The following ACYP2 variants were observed in gnomAD, a reference collection of about 807,000 sequenced individuals.
ACYP2 encodes acylphosphatase 2.
In ACYP2, 12 loss-of-function variants were observed where a neutral mutation model predicts 11.2. That is an observed-to-expected ratio of 1.08 (90% CI 0.69 to 1.74). The LOEUF (loss-of-function observed/expected upper bound fraction) is 1.74, where lower values mean the gene tolerates loss of function less well. ACYP2 is among the 40% of genes most tolerant of loss of function. ACYP2 has a pLI of 0.00. For synonymous variants in ACYP2, 43 were observed against 32.2 expected, an observed-to-expected ratio of 1.33 and a Z score of -1.13; for missense variants, 134 against 101.9, an observed-to-expected ratio of 1.31 and a Z score of -1.35.
chr2:54,104,186 A>G (rs1679041269), intron 4 of ACYP2, among the ~76,000 whole-genome samples: 1 of 152,230 alleles, frequency 6.6e-6, no homozygotes, highest in South Asian at 2.1e-4. Flanking sequence ...TGGGAGATAT[A>G]TACTGATGCT....
intron 2 of ACYP2, among the ~76,000 whole-genome samples, chr2:54,002,137 A>G (rs1428647983): frequency 6.6e-6 from 1 of 152,228 alleles, no homozygotes; most frequent in Non-Finnish European, 1.5e-5. Flanking sequence ...TCAATGTTCT[A>G]AATATCCTCC....
intron 6 of ACYP2, among the ~76,000 whole-genome samples, chr2:54,282,435 G>A (rs1449546714): frequency 2.6e-5 from 4 of 152,136 alleles, no homozygotes; most frequent in Admixed American, 6.6e-5. Flanking sequence ...CTAAGCAGAT[G>A]GCCCTTGTGG....
intron 6 of ACYP2, among the ~76,000 whole-genome samples, chr2:54,268,015 TA>T (rs1420234093): frequency 3.9e-5 from 6 of 152,214 alleles, no homozygotes; most frequent in Non-Finnish European, 5.9e-5. Flanking sequence ...TTTCAAATTT[TA>T]AAAATACATA....
rs768555656 is a variant in ACYP2 at position 54,255,456 on chromosome 2, C to G, written c.405-49232C>G. 1.9e-5 allele frequency: 30 copies of G among 1,613,922 alleles called. No individual in the cohort carries two copies. The Admixed American group carries it at 3.2e-4, about 17-fold the overall frequency. ...TCTGCTCCAGGTAGTATTCATGAAT[C>G]TGCCCAAACCTGCGCTCCACCTGCA... On this transcript the variant is annotated intron_variant, in intron 6 of 6. Transcript: ENST00000607452.
intron 2 of ACYP2, among the ~76,000 whole-genome samples, chr2:54,037,186 C>A (rs1674947481): frequency 6.6e-6 from 1 of 152,144 alleles, no homozygotes; most frequent in Non-Finnish European, 1.5e-5. Flanking sequence ...AATCTTGGCT[C>A]ACTAGAACCT....
chr2:53,992,496 G>A (rs1340058862), intron 2 of ACYP2, among the ~76,000 whole-genome samples: 3 of 152,174 alleles, frequency 2.0e-5, no homozygotes, highest in Non-Finnish European at 2.9e-5. Flanking sequence ...CTTGTATCAC[G>A]GTAGAAGTAG....
At chr2:54,075,010 A>G (rs1213700921) in intron 4 of ACYP2, among the ~76,000 whole-genome samples, 1 of 152,226 alleles carries the variant, frequency 6.6e-6, no homozygotes, top group African/African-American at 2.4e-5. Context: ...ACACAAAATT[A>G]ATCATTATAA....
intron 6 of ACYP2, among the ~76,000 whole-genome samples, chr2:54,212,791 GTAAA>G (rs1685380632): frequency 6.6e-6 from 1 of 151,606 alleles, no homozygotes; most frequent in Non-Finnish European, 1.5e-5. Flanking sequence ...GACAAAAAGA[GTAAA>G]TATATTCTTG....
intron 6 of ACYP2, among the ~76,000 whole-genome samples, chr2:54,266,875 C>G (rs1007590381): frequency 6.6e-6 from 1 of 151,994 alleles, no homozygotes; most frequent in African/African-American, 2.4e-5. Context: ...TCCCAAAGTG[C>G]TGGGATTACA....
chr2:54,142,011 GTATAT>G (rs1681633628), intron 6 of ACYP2: 3 of 422,066 alleles, frequency 7.1e-6, no homozygotes, highest in African/African-American at 4.3e-5. Context: ...GTGTGTGTGT[GTATAT>G]TTTGTTGTTG....
intron 2 of ACYP2, among the ~76,000 whole-genome samples, chr2:54,003,280 A>G (rs1054971100): frequency 6.7e-6 from 1 of 150,222 alleles, no homozygotes; most frequent in African/African-American, 2.5e-5. Flanking sequence ...ATTTATTGAG[A>G]CAGAGTTTCA....
In ACYP2 at chr2:54,117,729, A is replaced by G. The variant is rs568524285; in HGVS notation, c.278-17724A>G. On this transcript the variant is annotated intron_variant, in intron 4 of 6. Coordinates refer to ENST00000607452, the MANE Select transcript of ACYP2 (RefSeq NM_001320586.2). ...TACCAGGGTAAGATTAAGAATGGGT[A>G]AAAGTGTGCCTTTTGTAAAGAGATC... 2.6e-5 allele frequency among the ~76,000 whole-genome samples: 4 copies of G among 152,330 alleles called. No individual in the cohort carries two copies. In the South Asian group the frequency reaches 8.3e-4, roughly 32 times the overall value.
chr2:54,109,460 G>A (rs560746690), intron 4 of ACYP2, among the ~76,000 whole-genome samples: 4 of 152,184 alleles, frequency 2.6e-5, no homozygotes, highest in Admixed American at 6.5e-5. Flanking sequence ...TGGGTACAGC[G>A]TACACTGCTT....
Position 54,304,760 on chromosome 2 carries a change from C to T in ACYP2, c.477C>T (p.Thr159=). The T allele has an allele frequency of 6.2e-7, 1 of 1,611,378 alleles. No homozygotes were observed. The highest frequency in any genetic ancestry group is 8.5e-7 in the Non-Finnish European group (1 of 1,179,252). ...GCACAAACTTTTCTAATGAAAAAAC[C>T]ATCTCTAAGCTTGAATACTCTAATT... is the stretch of plus-strand genomic sequence containing the variant. Residue 159 remains threonine, a synonymous_variant, in exon 7 of 7, where the codon ACC becomes ACT. Transcript: ENST00000607452.
chr2:53,985,048 T>G (rs931020194), intron 2 of ACYP2, among the ~76,000 whole-genome samples: 1 of 151,584 alleles, frequency 6.6e-6, no homozygotes, highest in African/African-American at 2.4e-5. Context: ...CTCAGTGGCT[T>G]AGGATTTAGC....
At chr2:54,017,177 C>T (rs1673734621) in intron 2 of ACYP2, among the ~76,000 whole-genome samples, 1 of 152,130 alleles carries the variant, frequency 6.6e-6, no homozygotes, top group Non-Finnish European at 1.5e-5. Context: ...CTTATCACAT[C>T]CATGAGGGAT....
At chr2:54,240,832 G>A (rs1686700861) in intron 6 of ACYP2, among the ~76,000 whole-genome samples, 1 of 152,136 alleles carries the variant, frequency 6.6e-6, no homozygotes, top group East Asian at 1.9e-4. Flanking sequence ...TGCTTCAGTG[G>A]CTTAGGCTGC....
chr2:54,091,402 G>C (rs1678218598), intron 4 of ACYP2, among the ~76,000 whole-genome samples: 1 of 151,918 alleles, frequency 6.6e-6, no homozygotes, highest in Non-Finnish European at 1.5e-5. Context: ...AATAACAAAA[G>C]GGCTATTTTT....
At chr2:54,261,956 T>G (rs1687798778) in intron 6 of ACYP2, among the ~76,000 whole-genome samples, 1 of 152,208 alleles carries the variant, frequency 6.6e-6, no homozygotes, top group African/African-American at 2.4e-5. Flanking sequence ...TATATAAATA[T>G]AGATAAGAGA....
Sources: allele counts gnomAD v4.1 joint callset (sites outside exome capture counted in the v4.1 genomes callset), GRCh38; gene constraint gnomAD v4.1.1; transcripts MANE v1.5; gene names NCBI Gene and HGNC (gene_info 2026-07-23, HGNC 2026-07-21).